The following NFIB variants were observed in gnomAD, a reference collection of about 807,000 sequenced individuals.
The protein encoded by NFIB is nuclear factor 1 B-type.
In NFIB, 11 loss-of-function variants were observed where a neutral mutation model predicts 61.5. The observed-to-expected ratio is 0.18, with a 90% CI of 0.11 to 0.30. The LOEUF is 0.30. Among genes scored for constraint, NFIB ranks in the 10% least tolerant of loss-of-function variants. The probability of loss-of-function intolerance (pLI) is 1.00; values close to 1 mark genes in which losing one functional copy is unlikely to be tolerated. For synonymous variants in NFIB, 260 were observed against 216.5 expected (o/e 1.20, Z -1.76); for missense variants, 471 against 608.9 (o/e 0.77, Z 2.38).
At chr9:14,233,511 T>C (rs1205938699) in intron 2 of NFIB, among the ~76,000 whole-genome samples, 2 of 138,864 alleles carry the variant, frequency 1.4e-5, no homozygotes, top group Non-Finnish European at 3.1e-5. Flanking sequence ...CACTGCAACC[T>C]CCACCTCCCA....
intron 2 of NFIB, among the ~76,000 whole-genome samples, chr9:14,300,940 C>G (rs2059717545): frequency 6.6e-6 from 1 of 152,060 alleles, no homozygotes; most frequent in South Asian, 2.1e-4. Flanking sequence ...ATTTTAAGTG[C>G]CAAATTCAAA....
the NFIB span, among the ~76,000 whole-genome samples, chr9:14,506,300 A>C: frequency 1.3e-5 from 2 of 152,152 alleles, no homozygotes; most frequent in East Asian, 3.9e-4. Flanking sequence ...TCTGAAATGC[A>C]TGGACCTGCC....
upstream of NFIB, among the ~76,000 whole-genome samples, chr9:14,317,742 G>C (rs1001285823): frequency 6.6e-6 from 1 of 152,192 alleles, no homozygotes; most frequent in African/African-American, 2.4e-5. Flanking sequence ...GAACTCTAGG[G>C]AGTTGTTTGG....
chr9:14,221,957 T>C lies in NFIB; in HGVS notation c.563-42177A>G, dbSNP rs895391206. On this transcript the variant is annotated intron_variant, in intron 2 of 10. Coordinates refer to ENST00000380953, the MANE Select transcript of NFIB (RefSeq NM_001190737.2). ...AGGCTGCCCTGTTTAAGAGAAAGCA[T>C]GAAGAGCCTGTCTGCTTAGCACTAC... is the stretch of plus-strand genomic sequence containing the variant. Among the ~76,000 whole-genome samples, 5 of 152,352 alleles carry C rather than the reference T, an allele frequency of 3.3e-5. No homozygotes were observed. The East Asian group carries it at 7.7e-4, about 24-fold the overall frequency.
chr9:14,511,529 G>C, the NFIB span, among the ~76,000 whole-genome samples: 1 of 33,148 alleles, frequency 3.0e-5, no homozygotes, highest in East Asian at 4.7e-4. Context: ...AATTGTATGA[G>C]TTAAGTACTC....
the NFIB span, among the ~76,000 whole-genome samples, chr9:14,425,607 ATTTTTTTTTT>A: frequency 1.9e-4 from 19 of 99,052 alleles, no homozygotes; most frequent in African/African-American, 6.1e-4. Context: ...TTGCTACATA[ATTTTTTTTTT>A]TTTTTTTTTT....
the NFIB span, among the ~76,000 whole-genome samples, chr9:14,456,336 T>A: frequency 6.6e-6 from 1 of 152,094 alleles, no homozygotes; most frequent in Non-Finnish European, 1.5e-5. Flanking sequence ...AAAAGATGGT[T>A]AAATTCAACT....
the NFIB span, among the ~76,000 whole-genome samples, chr9:14,463,348 T>C: frequency 2.6e-5 from 4 of 151,900 alleles, no homozygotes; most frequent in Non-Finnish European, 4.4e-5. Flanking sequence ...CTTTATTAGA[T>C]GGAGAGATTC....
intron 10 of NFIB, among the ~76,000 whole-genome samples, chr9:14,097,875 C>CTTTTTCTTTTTTT (rs1554630194): frequency 9.0e-6 from 1 of 110,838 alleles, no homozygotes; most frequent in South Asian, 3.5e-4. Flanking sequence ...TTTCTTTTTT[C>CTTTTTCTTTTTTT]TTTTTTTTTT....
intron 1 of NFIB, among the ~76,000 whole-genome samples, chr9:14,356,796 A>C (rs7864996): frequency 0.23 from 35,001 of 152,072 alleles, 4,715 homozygotes; most frequent in African/African-American, 0.37. Flanking sequence ...TGCATGCCAT[A>C]CCAGTGGATT....
At position 14,122,891 on chromosome 9, in the gene NFIB, C is replaced by T. The variant is rs574825196; in HGVS notation, c.1061-2267G>A. On this transcript the variant is annotated intron_variant, in intron 7 of 10. Transcript: ENST00000380953. Reference sequence around the variant, plus strand: ...GGCCTGATACCACTGGGTAAAATGTCGTATTTCAAACTGAGAGTAAAAATG... The same window carrying T: ...GGCCTGATACCACTGGGTAAAATGTTGTATTTCAAACTGAGAGTAAAAATG... 2.6e-5 allele frequency among the ~76,000 whole-genome samples: 4 copies of T among 152,132 alleles called. No individual in the cohort carries two copies. In the East Asian group the frequency reaches 7.7e-4, roughly 29 times the overall value.
chr9:14,092,619 G>C (rs959888483), intron 10 of NFIB, among the ~76,000 whole-genome samples: 1 of 152,078 alleles, frequency 6.6e-6, no homozygotes, highest in Non-Finnish European at 1.5e-5. Flanking sequence ...TCAGGAGACA[G>C]TGAACTTTTC....
chr9:14,468,288 G>A, the NFIB span, among the ~76,000 whole-genome samples: 1 of 152,198 alleles, frequency 6.6e-6, no homozygotes, highest in East Asian at 1.9e-4. Flanking sequence ...AACCAATGCA[G>A]ACAAAATGCT....
the NFIB span, among the ~76,000 whole-genome samples, chr9:14,468,112 G>A: frequency 6.6e-6 from 1 of 152,188 alleles, no homozygotes; most frequent in African/African-American, 2.4e-5. Context: ...CACACAAAGT[G>A]CCAAATGTAG....
chr9:14,527,815 T>C, the NFIB span, among the ~76,000 whole-genome samples: 1 of 152,218 alleles, frequency 6.6e-6, no homozygotes, highest in South Asian at 2.1e-4. Flanking sequence ...TACATTTCCA[T>C]ATTCAATTAC....
the NFIB span, among the ~76,000 whole-genome samples, chr9:14,523,831 T>C: frequency 1.3e-5 from 2 of 152,180 alleles, no homozygotes. Context: ...ACTGAGCTTG[T>C]GTGCTTGCAG....
At chr9:14,320,912 T>G (rs1286765295) in intron 1 of NFIB, among the ~76,000 whole-genome samples, 4 of 152,018 alleles carry the variant, frequency 2.6e-5, no homozygotes, top group Non-Finnish European at 5.9e-5. Context: ...TTTTGGCGCC[T>G]TTTCCCTGCC....
intron 6 of NFIB, among the ~76,000 whole-genome samples, chr9:14,126,205 T>C (rs554751824): frequency 4.6e-5 from 7 of 152,298 alleles, no homozygotes; most frequent in African/African-American, 1.7e-4. Context: ...TTCACAGCTT[T>C]TATGGAAAAC....
the NFIB span, among the ~76,000 whole-genome samples, chr9:14,409,367 C>T: frequency 2.6e-5 from 4 of 152,188 alleles, no homozygotes; most frequent in Non-Finnish European, 4.4e-5. Context: ...AGAGCTGGTG[C>T]TCCCTGTCTA....
Sources: allele counts gnomAD v4.1 joint callset (sites outside exome capture counted in the v4.1 genomes callset), GRCh38; gene constraint gnomAD v4.1.1; transcripts MANE v1.5; gene names NCBI Gene and HGNC (gene_info 2026-07-23, HGNC 2026-07-21).